CNTNAP4: variants seen among roughly 807,000 people sequenced by gnomAD.
The protein encoded by CNTNAP4 is contactin associated protein family member 4, also known as contactin-associated protein-like 4.
Under a neutral mutation model 148.4 loss-of-function variants are expected in CNTNAP4, and 98 were observed. The observed-to-expected ratio is 0.66, with a 90% CI of 0.56 to 0.78. The LOEUF (loss-of-function observed/expected upper bound fraction) is 0.78. Among genes scored for constraint, CNTNAP4 ranks in the 30% least tolerant of loss-of-function variants. The pLI, the probability that CNTNAP4 is intolerant of heterozygous loss-of-function variation, is 0.00. For synonymous variants in CNTNAP4, 730 were observed against 565.1 expected, an observed-to-expected ratio of 1.29 and a Z score of -4.14; for missense variants, 1,935 against 1,565.6, an observed-to-expected ratio of 1.24 and a Z score of -3.98.
intron 1 of CNTNAP4, chr16:76,287,660 G>C (rs1958942508): frequency 6.6e-6 from 1 of 152,208 alleles, no homozygotes; most frequent in Admixed American, 6.5e-5. Flanking sequence ...TGTGACATCT[G>C]TCGTGTTAGC....
chr16:76,521,383 C>T, intron 16 of CNTNAP4, 73 bp downstream of exon 16: 6 of 1,238,074 alleles, frequency 4.8e-6, no homozygotes, highest in Middle Eastern at 2.0e-4. Flanking sequence ...AATTTTTAAA[C>T]TACTCATGTG....
chr16:76,538,009 T>C, intron 18 of CNTNAP4, 107 bp from the exon 19 acceptor site: 1 of 427,334 alleles, frequency 2.3e-6, no homozygotes, highest in Non-Finnish European at 3.9e-6. Flanking sequence ...GGGTTGGTTC[T>C]TCTATCTATG....
At chr16:76,368,161 C>T (rs1247822688) in intron 3 of CNTNAP4, among the ~76,000 whole-genome samples, 1 of 152,112 alleles carries the variant, frequency 6.6e-6, no homozygotes, top group East Asian at 1.9e-4. Flanking sequence ...CTTAGATTCT[C>T]CTGCACATTC....
At chr16:76,346,020 A>C (rs547571045) in intron 2 of CNTNAP4, among the ~76,000 whole-genome samples, 1 of 152,254 alleles carries the variant, frequency 6.6e-6, no homozygotes, top group East Asian at 1.9e-4. Flanking sequence ...CAGCCCCTTG[A>C]TCTTGGACTT....
intron 1 of CNTNAP4, among the ~76,000 whole-genome samples, chr16:76,279,758 A>G (rs988208990): frequency 1.3e-5 from 2 of 152,222 alleles, no homozygotes; most frequent in Admixed American, 1.3e-4. Flanking sequence ...TGCACTCAGT[A>G]ATTTATTGTG....
At chr16:76,293,819 C>CTT (rs1209734206) in intron 1 of CNTNAP4, among the ~76,000 whole-genome samples, 295 of 137,344 alleles carry the variant, frequency 2.1e-3, no homozygotes, top group Middle Eastern at 7.7e-3. Flanking sequence ...GAACAAGCTG[C>CTT]TTTTTTTTTT....
chr16:76,431,625 A>C (rs2079608305), intron 4 of CNTNAP4, among the ~76,000 whole-genome samples: 1 of 152,064 alleles, frequency 6.6e-6, no homozygotes, highest in African/African-American at 2.4e-5. Flanking sequence ...GTTGCAGTGA[A>C]CCGAAATCAT....
chr16:76,425,218 A>G (rs1468708589), intron 3 of CNTNAP4, among the ~76,000 whole-genome samples: 1 of 152,130 alleles, frequency 6.6e-6, no homozygotes, highest in Non-Finnish European at 1.5e-5. Flanking sequence ...GCAAAAACAG[A>G]GGGGAGCAGT....
intron 3 of CNTNAP4, among the ~76,000 whole-genome samples, chr16:76,382,272 C>A (rs578013047): frequency 4.0e-5 from 6 of 151,874 alleles, no homozygotes; most frequent in African/African-American, 1.4e-4. Flanking sequence ...AACAAATAAA[C>A]TATTTGTTGT....
chr16:76,553,939 G>A, intron 23 of CNTNAP4, 32 bp downstream of exon 23: 1 of 1,333,266 alleles, frequency 7.5e-7, no homozygotes, highest in Non-Finnish European at 1.1e-6. Context: ...CTCTTCTTTG[G>A]TTGTTCTTAT....
intron 10 of CNTNAP4, 118 bp from the exon 11 acceptor site, chr16:76,475,821 C>T: frequency 1.5e-6 from 1 of 648,250 alleles, no homozygotes; most frequent in East Asian, 2.8e-5. Context: ...CAGACTGAAG[C>T]ATCATTAGTC....
intron 13 of CNTNAP4, among the ~76,000 whole-genome samples, chr16:76,493,919 A>T (rs1444643180): frequency 6.6e-6 from 1 of 152,196 alleles, no homozygotes; most frequent in Non-Finnish European, 1.5e-5. Context: ...AGCAAGGGAG[A>T]AATTAGTAAA....
chr16:76,499,788 C>A (rs1463849061), intron 15 of CNTNAP4, among the ~76,000 whole-genome samples: 2 of 151,472 alleles, frequency 1.3e-5, no homozygotes, highest in Non-Finnish European at 2.9e-5. Context: ...CTTCAAGCAT[C>A]TGTTTAACAA....
At chr16:76,343,741 T>C (rs1247362628) in intron 2 of CNTNAP4, among the ~76,000 whole-genome samples, 1 of 139,496 alleles carries the variant, frequency 7.2e-6, no homozygotes, top group Non-Finnish European at 1.6e-5. Flanking sequence ...TGAAACTTCA[T>C]TTTTTTTTTG....
chr16:76,453,207 T>A (rs2080585634), intron 8 of CNTNAP4, among the ~76,000 whole-genome samples: 1 of 152,228 alleles, frequency 6.6e-6, no homozygotes, highest in Admixed American at 6.5e-5. Flanking sequence ...TATATCTATA[T>A]CTCTGTATGA....
chr16:76,337,999 GT>G (rs1964163018), intron 2 of CNTNAP4, among the ~76,000 whole-genome samples: 1 of 152,136 alleles, frequency 6.6e-6, no homozygotes, highest in Non-Finnish European at 1.5e-5. Flanking sequence ...AAACACACAT[GT>G]TTTACAAACA....
chr16:76,360,952 A>G (rs11864165), intron 3 of CNTNAP4, among the ~76,000 whole-genome samples: 74,785 of 150,892 alleles, frequency 0.5, 18,921 homozygotes, highest in African/African-American at 0.56. Context: ...TAGTAGCTGG[A>G]ACTACAGGCG....
chr16:76,467,606 CT>C (rs2081221742), intron 10 of CNTNAP4, 83 bp downstream of exon 10: 1 of 1,122,562 alleles, frequency 8.9e-7, no homozygotes, highest in Non-Finnish European at 1.3e-6. Flanking sequence ...AACAATTATT[CT>C]TTCCTCTTCC....
intron 8 of CNTNAP4, among the ~76,000 whole-genome samples, chr16:76,458,093 C>T (rs1292321784): frequency 2.0e-5 from 3 of 152,124 alleles, no homozygotes; most frequent in Non-Finnish European, 2.9e-5. Flanking sequence ...TAATAGTCTC[C>T]AGCTGCATCT....
Sources: allele counts gnomAD v4.1 joint callset (sites outside exome capture counted in the v4.1 genomes callset), GRCh38; gene constraint gnomAD v4.1.1; transcripts MANE v1.5; gene names NCBI Gene and HGNC (gene_info 2026-07-23, HGNC 2026-07-21).